Variants in SPIDR observed in about 807,000 individuals in gnomAD.
SPIDR encodes DNA repair-scaffolding protein.
Under a neutral mutation model 104.6 loss-of-function variants are expected in SPIDR, and 93 were observed. That is an observed-to-expected ratio of 0.89 (90% confidence interval 0.75 to 1.06). SPIDR has a LOEUF of 1.06. SPIDR is among the 50% of genes least tolerant of loss of function. The pLI is 0.00. For missense variants in SPIDR, 1,154 were observed against 1,111.2 expected (o/e 1.04, Z -0.55); for synonymous variants, 431 against 416.9 (o/e 1.03, Z -0.41).
At chr8:47,388,141 C>T (rs781991383) in intron 5 of SPIDR, among the ~76,000 whole-genome samples, 29 of 152,272 alleles carry the variant, frequency 1.9e-4, no homozygotes, top group Admixed American at 1.4e-3. Context: ...TCCACTATGT[C>T]TGCTGGTTTT....
chr8:47,440,576 A>C, intron 8 of SPIDR, 34 bp downstream of exon 8: 1 of 1,572,046 alleles, frequency 6.4e-7, no homozygotes, highest in Non-Finnish European at 8.7e-7. Flanking sequence ...GCAGTCACCA[A>C]CTGTGAGTCA....
chr8:47,624,749 C>T (rs1354807872), intron 10 of SPIDR, among the ~76,000 whole-genome samples: 5 of 152,102 alleles, frequency 3.3e-5, no homozygotes, highest in Non-Finnish European at 5.9e-5. Flanking sequence ...TAATCAATAC[C>T]TTACCAACCA....
At chr8:47,493,049 G>T (rs1433616186) in intron 8 of SPIDR, among the ~76,000 whole-genome samples, 1 of 139,288 alleles carries the variant, frequency 7.2e-6, no homozygotes, top group Non-Finnish European at 1.5e-5. Context: ...GTGAGTGTGT[G>T]TGTGTGTGTG....
chr8:47,470,893 C>A (rs2075601815), intron 8 of SPIDR, among the ~76,000 whole-genome samples: 1 of 152,028 alleles, frequency 6.6e-6, no homozygotes, highest in African/African-American at 2.4e-5. Flanking sequence ...CGCCACCACG[C>A]CCAGCTAATT....
chr8:47,360,587 C>A (rs983167816), intron 5 of SPIDR, among the ~76,000 whole-genome samples: 1 of 152,094 alleles, frequency 6.6e-6, no homozygotes, highest in Non-Finnish European at 1.5e-5. Context: ...GGCTGAGCAC[C>A]GGGGCTGTTG....
intron 5 of SPIDR, among the ~76,000 whole-genome samples, chr8:47,314,048 A>G (rs936841072): frequency 6.6e-6 from 1 of 152,216 alleles, no homozygotes; most frequent in Non-Finnish European, 1.5e-5. Flanking sequence ...ATTAAGAAAT[A>G]TACAGTTGTG....
At chr8:47,383,600 G>C (rs1375494624) in intron 5 of SPIDR, among the ~76,000 whole-genome samples, 1 of 152,194 alleles carries the variant, frequency 6.6e-6, no homozygotes, top group Non-Finnish European at 1.5e-5. Flanking sequence ...TTTAATGAGT[G>C]TGGGTGAATT....
rs573735141 is a variant in SPIDR, at chr8:47,570,312, G to A, written c.1098-25499G>A. Among the ~76,000 whole-genome samples, 5 of 152,218 alleles carry A rather than the reference G, an allele frequency of 3.3e-5. No homozygotes were observed. The South Asian group carries it at 1.0e-3, about 32-fold the overall frequency. On this transcript the variant is annotated intron_variant, in intron 8 of 19. Transcript: ENST00000297423. ...CAAAGGTACCAAGATCATTCAAGGGGGAAAGAATAATGGTCTTCCACAGAT... is the reference window on the plus strand; with the variant it reads ...CAAAGGTACCAAGATCATTCAAGGGAGAAAGAATAATGGTCTTCCACAGAT...
Position 47,471,478 on chromosome 8 carries a change from T to C in SPIDR, c.1097+30936T>C, listed in dbSNP as rs868955273. The stretch of plus-strand genomic sequence containing the variant: ...AATGCAAATCAAAGCCGCAATGAAA[T>C]ACCACTTTTTGATCAAAGACCACTG... On this transcript the variant is annotated intron_variant, in intron 8 of 19. Coordinates refer to ENST00000297423, the MANE Select transcript of SPIDR (RefSeq NM_001080394.4). 8.5e-5 allele frequency among the ~76,000 whole-genome samples: 13 copies of C among 152,142 alleles called. 1 individual carries two copies. The highest frequency in any genetic ancestry group is 3.4e-3 in the Middle Eastern group (1 of 292).
intron 10 of SPIDR, among the ~76,000 whole-genome samples, chr8:47,656,965 A>G (rs1274441430): frequency 6.6e-6 from 1 of 152,200 alleles, no homozygotes; most frequent in African/African-American, 2.4e-5. Context: ...AGGCAAATCC[A>G]TAGAGGCAGA....
At chr8:47,654,801 G>A (rs962515705) in intron 10 of SPIDR, among the ~76,000 whole-genome samples, 2 of 151,942 alleles carry the variant, frequency 1.3e-5, no homozygotes, top group African/African-American at 2.4e-5. Context: ...ATGTATACAC[G>A]TGCCATGTTG....
At chr8:47,439,198 T>C (rs2068916539) in intron 7 of SPIDR, among the ~76,000 whole-genome samples, 1 of 152,198 alleles carries the variant, frequency 6.6e-6, no homozygotes, top group Non-Finnish European at 1.5e-5. Context: ...ATATGACACA[T>C]AAATTTGAAA....
chr8:47,277,313 T>A (rs587609113), intron 1 of SPIDR, among the ~76,000 whole-genome samples: 81 of 142,062 alleles, frequency 5.7e-4, no homozygotes, highest in Non-Finnish European at 9.3e-4. Context: ...TATGTTATGT[T>A]TGTTATGTTA....
chr8:47,603,694 G>A (rs1440727337), intron 10 of SPIDR, among the ~76,000 whole-genome samples: 2 of 151,770 alleles, frequency 1.3e-5, no homozygotes, highest in Non-Finnish European at 2.9e-5. Flanking sequence ...CACCATACCC[G>A]GCCAACTAAT....
intron 5 of SPIDR, among the ~76,000 whole-genome samples, chr8:47,369,038 A>C (rs1335628509): frequency 6.6e-6 from 1 of 152,192 alleles, no homozygotes; most frequent in Non-Finnish European, 1.5e-5. Context: ...CAAACTTTAG[A>C]AGGTAGCCAT....
intron 5 of SPIDR, among the ~76,000 whole-genome samples, chr8:47,345,587 A>G (rs1390833540): frequency 6.6e-6 from 1 of 152,164 alleles, no homozygotes; most frequent in South Asian, 2.1e-4. Context: ...GATTCTTCCT[A>G]TCCATGAGCA....
intron 10 of SPIDR, among the ~76,000 whole-genome samples, chr8:47,607,593 G>A (rs1387548255): frequency 6.6e-6 from 1 of 151,078 alleles, no homozygotes; most frequent in African/African-American, 2.4e-5. Flanking sequence ...TGAAAAGGTA[G>A]TCAACCATTT....
chr8:47,734,580 C>G (rs776613541), intron 19 of SPIDR, among the ~76,000 whole-genome samples: 7 of 151,128 alleles, frequency 4.6e-5, no homozygotes, highest in Non-Finnish European at 1.5e-5. Context: ...CTGCAAGTGA[C>G]ATTGCCTTCT....
chr8:47,548,718 T>A (rs943041355), intron 8 of SPIDR, among the ~76,000 whole-genome samples: 1 of 152,200 alleles, frequency 6.6e-6, no homozygotes. Flanking sequence ...AGGAGACAAC[T>A]GGAAATATTC....
Sources: gnomAD v4.1 joint callset for allele counts (sites outside exome capture counted in the v4.1 genomes callset) on GRCh38, gnomAD v4.1.1 for gene constraint, MANE v1.5 for transcripts, NCBI Gene and HGNC (gene_info 2026-07-23, HGNC 2026-07-21) for gene names.